The following CAPN13 variants were observed in gnomAD, a reference collection of about 807,000 sequenced individuals.
CAPN13 encodes the protein calpain-13.
In CAPN13, 90 loss-of-function variants were observed where a neutral mutation model predicts 98.4. The ratio of observed to expected loss-of-function variants is 0.92; its 90% CI spans 0.77 to 1.09. The LOEUF (loss-of-function observed/expected upper bound fraction) is 1.09, where lower values mean the gene tolerates loss of function less well. CAPN13 is among the 50% of genes least tolerant of loss of function. The pLI, the probability that CAPN13 is intolerant of heterozygous loss-of-function variation, is 0.00. For synonymous variants in CAPN13, 330 were observed against 305.5 expected (o/e 1.08, Z -0.84); for missense variants, 887 against 841.3 (o/e 1.05, Z -0.67).
intron 1 of CAPN13, among the ~76,000 whole-genome samples, chr2:30,797,926 C>G (rs1364500402): frequency 6.6e-6 from 1 of 152,252 alleles, no homozygotes; most frequent in African/African-American, 2.4e-5. Context: ...TCTGCTTACC[C>G]TGTCCTACAC....
chr2:30,797,867 G>A (rs1248291952), intron 1 of CAPN13, among the ~76,000 whole-genome samples: 1 of 152,250 alleles, frequency 6.6e-6, no homozygotes. Context: ...ATCTCCAGCT[G>A]GGCCAGTGTC....
chr2:30,739,410 C>T (rs1362131930), intron 15 of CAPN13, among the ~76,000 whole-genome samples: 1 of 152,058 alleles, frequency 6.6e-6, no homozygotes, highest in African/African-American at 2.4e-5. Context: ...CCACCTTGAA[C>T]TGGAAGCAAA....
chr2:30,791,273 G>A (rs767117267), intron 1 of CAPN13, among the ~76,000 whole-genome samples: 5 of 152,188 alleles, frequency 3.3e-5, no homozygotes, highest in Non-Finnish European at 7.3e-5. Flanking sequence ...AAATGATGAG[G>A]GCTCCTTAAT....
intron 4 of CAPN13, among the ~76,000 whole-genome samples, chr2:30,771,115 C>T (rs192497850): frequency 1.4e-3 from 213 of 152,326 alleles, no homozygotes; most frequent in Non-Finnish European, 1.3e-3. Context: ...GCAGATGAAC[C>T]GGATGTTCCT....
In CAPN13 at chr2:30,751,220, G is replaced by A; in HGVS notation, c.1119C>T (p.Phe373=). The change falls in exon 11 of 23, where the codon TTC becomes TTT. Residue 373 remains phenylalanine (F), a synonymous_variant. Transcript: ENST00000295055. The part of the protein sequence containing the change: ...GGPRNDAQFN[F]SVQEPMEGTN... Reference sequence around the variant, plus strand: ...TGCCTTCCATTGGCTCTTGCACAGAGAAGTTGAATTGAGCATCATTCCGAG... The same window carrying A: ...TGCCTTCCATTGGCTCTTGCACAGAAAAGTTGAATTGAGCATCATTCCGAG... 1 of 1,613,996 alleles carries A rather than the reference G, an allele frequency of 6.2e-7. No individual in the cohort carries two copies. The highest frequency in any genetic ancestry group is 8.5e-7 in the Non-Finnish European group (1 of 1,179,892).
rs561656984 is a variant in CAPN13 at position 30,796,359 on chromosome 2, C to T, written c.-32-9002G>A. 2.0e-5 allele frequency among the ~76,000 whole-genome samples: 3 copies of T among 151,676 alleles called. No homozygotes were observed. The South Asian group carries it at 6.2e-4, about 32-fold the overall frequency. On this transcript the variant is annotated intron_variant, in intron 1 of 22. Coordinates refer to ENST00000295055, the MANE Select transcript of CAPN13 (RefSeq NM_144575.3). ...TTGTATATCACGTACTATGACAGTG[C>T]AACGTAGCATAGTAAAGTAGAATAC...
chr2:30,741,713 G>A (rs1445304778), intron 15 of CAPN13, 195 bp downstream of exon 15: 2 of 1,437,270 alleles, frequency 1.4e-6, no homozygotes, highest in East Asian at 5.1e-5. Flanking sequence ...GGATGACACT[G>A]GGTGGGGCGC....
intron 7 of CAPN13, among the ~76,000 whole-genome samples, chr2:30,761,257 C>T (rs367610149): frequency 6.6e-6 from 1 of 152,298 alleles, no homozygotes; most frequent in East Asian, 1.9e-4. Context: ...ACGGGACATG[C>T]GGTCTTGATC....
At chr2:30,792,585 AC>A (rs1674657461) in intron 1 of CAPN13, among the ~76,000 whole-genome samples, 1 of 152,018 alleles carries the variant, frequency 6.6e-6, no homozygotes, top group Admixed American at 6.6e-5. Flanking sequence ...TCCAGAAGAA[AC>A]CCCTAGGCTC....
At chr2:30,741,739 C>CT in intron 15 of CAPN13, 169 bp downstream of exon 15, 2 of 1,466,212 alleles carry the variant, frequency 1.4e-6, no homozygotes, top group Non-Finnish European at 1.8e-6. Flanking sequence ...CTCTACCGAG[C>CT]TTGGCAGCCA....
At position 30,738,541 on chromosome 2, in the gene CAPN13, A is replaced by G. The variant is rs531347683; in HGVS notation, c.1537-84T>C. The stretch of plus-strand genomic sequence containing the variant: ...ATCTGCCTGCCGTGTAAAAGCACTC[A>G]GATTTCCAAGCACTTAGTCCCCACA... On this transcript the variant is annotated intron_variant, in intron 15 of 22. Transcript: ENST00000295055. The G allele has an allele frequency of 2.9e-6, 4 of 1,396,052 alleles. No individual in the cohort carries two copies. The African/African-American group carries it at 5.7e-5, about 20-fold the overall frequency. 86.5% of individuals were successfully genotyped at this position (1,396,052 alleles called of 1,614,324 possible).
At chr2:30,724,779 T>A (rs1447184232) in intron 22 of CAPN13, among the ~76,000 whole-genome samples, 2 of 152,226 alleles carry the variant, frequency 1.3e-5, no homozygotes, top group Non-Finnish European at 2.9e-5. Flanking sequence ...GACAGTTCCA[T>A]CTGCCCTGGG....
intron 7 of CAPN13, among the ~76,000 whole-genome samples, chr2:30,761,671 C>G (rs1485960850): frequency 6.6e-6 from 1 of 152,232 alleles, no homozygotes; most frequent in Non-Finnish European, 1.5e-5. Context: ...ACAGGTATTA[C>G]TAATTGATAA....
intron 1 of CAPN13, among the ~76,000 whole-genome samples, chr2:30,790,710 T>C (rs1674559661): frequency 2.0e-5 from 3 of 152,216 alleles, no homozygotes; most frequent in African/African-American, 7.2e-5. Context: ...TTTTAGATGT[T>C]TGCAGTCAGA....
At chr2:30,741,870 C>A in intron 15 of CAPN13, 38 bp downstream of exon 15, 6 of 1,613,704 alleles carry the variant, frequency 3.7e-6, no homozygotes, top group Non-Finnish European at 5.1e-6. Context: ...CCCCTTTCTC[C>A]AATCCCACGT....
chr2:30,805,531 T>C (rs1272836589), intron 1 of CAPN13, among the ~76,000 whole-genome samples: 2 of 152,276 alleles, frequency 1.3e-5, no homozygotes, highest in Middle Eastern at 3.4e-3. Flanking sequence ...GCACTTGCCA[T>C]GTGCTCAAGT....
intron 20 of CAPN13, among the ~76,000 whole-genome samples, chr2:30,732,211 G>C (rs555007432): frequency 6.6e-6 from 1 of 152,306 alleles, no homozygotes; most frequent in South Asian, 2.1e-4. Flanking sequence ...GGGCTGGTCA[G>C]GGTGATGAGG....
chr2:30,787,416 A>G (rs1195161218), intron 1 of CAPN13, 59 bp from the exon 2 acceptor site: 4 of 1,329,432 alleles, frequency 3.0e-6, no homozygotes, highest in Non-Finnish European at 4.1e-6. Flanking sequence ...TGCATCATCA[A>G]ATGTGAGCCC....
chr2:30,745,367 C>T (rs1671854051), intron 12 of CAPN13: 4 of 510,972 alleles, frequency 7.8e-6, no homozygotes, highest in Admixed American at 2.3e-5. Context: ...TGGGGACTGA[C>T]TACTTTAGGA....
Sources: gnomAD v4.1 joint callset for allele counts (sites outside exome capture counted in the v4.1 genomes callset) on GRCh38, gnomAD v4.1.1 for gene constraint, MANE v1.5 for transcripts, NCBI Gene and HGNC (gene_info 2026-07-23, HGNC 2026-07-21) for gene names.